The following SORCS3 variants were observed in gnomAD, a reference collection of about 807,000 sequenced individuals.
The protein encoded by SORCS3 is sortilin related VPS10 domain containing receptor 3.
SORCS3 carries 57 observed loss-of-function variants against 146.3 expected under a neutral mutation model. That is an observed-to-expected ratio of 0.39 (90% CI 0.31 to 0.49). The LOEUF (loss-of-function observed/expected upper bound fraction) is 0.49, where lower values mean the gene tolerates loss of function less well. Ranked by LOEUF, SORCS3 falls within the 20% of genes least tolerant of loss-of-function variation. The probability of loss-of-function intolerance (pLI) is 0.92; values close to 1 mark genes in which losing one functional copy is unlikely to be tolerated. For missense variants in SORCS3, 1,341 were observed against 1,575.5 expected (o/e 0.85, Z 2.52); for synonymous variants, 653 against 618.5 (o/e 1.06, Z -0.83).
chr10:104,716,047 C>T (rs760619149), intron 1 of SORCS3, among the ~76,000 whole-genome samples: 25 of 152,238 alleles, frequency 1.6e-4, no homozygotes, highest in Non-Finnish European at 2.9e-4. Flanking sequence ...GGAGTTCCCT[C>T]TGCCTGAATC....
intron 22 of SORCS3, among the ~76,000 whole-genome samples, chr10:105,251,833 T>G (rs962855802): frequency 6.6e-6 from 1 of 152,196 alleles, no homozygotes; most frequent in Non-Finnish European, 1.5e-5. Context: ...AATAGAAAAA[T>G]TCACTCGTAT....
chr10:105,014,278 A>G (rs2055153018), intron 4 of SORCS3, among the ~76,000 whole-genome samples: 1 of 151,852 alleles, frequency 6.6e-6, no homozygotes, highest in Non-Finnish European at 1.5e-5. Flanking sequence ...AAAATTTCAG[A>G]TGGACTTAAG....
At chr10:104,898,683 C>A (rs903216869) in intron 2 of SORCS3, among the ~76,000 whole-genome samples, 1 of 152,210 alleles carries the variant, frequency 6.6e-6, no homozygotes, top group African/African-American at 2.4e-5. Flanking sequence ...TCATACCTGG[C>A]AAAAACACTT....
At chr10:105,108,700 C>CTAGAAAG in intron 7 of SORCS3, among the ~76,000 whole-genome samples, 1 of 152,020 alleles carries the variant, frequency 6.6e-6, no homozygotes, top group East Asian at 2.0e-4. Context: ...ATGTGAAAGG[C>CTAGAAAG]CAATAAACTT....
chr10:104,853,028 G>A (rs965462135), intron 2 of SORCS3, among the ~76,000 whole-genome samples: 2 of 152,290 alleles, frequency 1.3e-5, no homozygotes, highest in African/African-American at 2.4e-5. Context: ...GGCCGGGCGC[G>A]GTGGCTCATG....
intron 20 of SORCS3, among the ~76,000 whole-genome samples, chr10:105,226,037 G>C (rs1589697342): frequency 6.6e-6 from 1 of 151,776 alleles, no homozygotes; most frequent in East Asian, 1.9e-4. Context: ...AATGTAGATT[G>C]GCTTTTATTT....
chr10:105,252,949 A>C, intron 23 of SORCS3, 43 bp downstream of exon 23: 1 of 1,602,316 alleles, frequency 6.2e-7, no homozygotes, highest in Non-Finnish European at 8.5e-7. Flanking sequence ...CCTGCACCCT[A>C]CACCCTGAGA....
intron 1 of SORCS3, among the ~76,000 whole-genome samples, chr10:104,747,172 C>T (rs569927690): frequency 1.3e-5 from 2 of 152,216 alleles, no homozygotes. Context: ...GAACCTCCCC[C>T]ATCTGGCTGG....
intron 2 of SORCS3, among the ~76,000 whole-genome samples, chr10:104,867,083 G>A (rs1474859425): frequency 2.6e-5 from 4 of 152,120 alleles, no homozygotes; most frequent in African/African-American, 9.7e-5. Context: ...CTCTGCTCTC[G>A]TGGAGTGGAC....
chr10:105,184,113 GT>G (rs1241839506), intron 14 of SORCS3, among the ~76,000 whole-genome samples: 7 of 152,216 alleles, frequency 4.6e-5, no homozygotes, highest in African/African-American at 1.7e-4. Context: ...GCAGGGAAGA[GT>G]TTTGGCCAGC....
intron 3 of SORCS3, among the ~76,000 whole-genome samples, chr10:104,961,288 G>A (rs1228405045): frequency 6.6e-6 from 1 of 152,146 alleles, no homozygotes; most frequent in African/African-American, 2.4e-5. Flanking sequence ...ATCTATGCCT[G>A]TGACAACATT....
intron 1 of SORCS3, among the ~76,000 whole-genome samples, chr10:104,677,378 G>A (rs541975730): frequency 6.6e-6 from 1 of 152,342 alleles, no homozygotes; most frequent in South Asian, 2.1e-4. Flanking sequence ...TCCATTTAAA[G>A]TGAAAACAAT....
At position 105,140,765 on chromosome 10, in the gene SORCS3, A is replaced by C. The variant is rs563923989; in HGVS notation, c.1302+1279A>C. ...TTGCAGAGAGGCTGATAAGGTCAGC[A>C]GAGACCATTTTAAGTAGCTTCAGGG... On this transcript the variant is annotated intron_variant, in intron 8 of 26. Coordinates refer to ENST00000369701, the MANE Select transcript of SORCS3 (RefSeq NM_014978.3). Among the ~76,000 whole-genome samples, 8 of 152,304 alleles carry C rather than the reference A, an allele frequency of 5.3e-5. No homozygotes were observed. The East Asian group carries it at 1.4e-3, about 26-fold the overall frequency.
At chr10:104,927,271 C>T (rs1252265835) in intron 3 of SORCS3, among the ~76,000 whole-genome samples, 2 of 152,180 alleles carry the variant, frequency 1.3e-5, no homozygotes, top group Non-Finnish European at 2.9e-5. Flanking sequence ...CCTGGATGGC[C>T]ACATACAATG....
At chr10:104,647,595 G>A (rs896160788) in intron 1 of SORCS3, among the ~76,000 whole-genome samples, 22 of 152,084 alleles carry the variant, frequency 1.4e-4, no homozygotes, top group African/African-American at 2.9e-4. Flanking sequence ...CTTCTCATCC[G>A]TGCCTGGCAG....
chr10:104,719,822 C>T (rs1345597339), intron 1 of SORCS3, among the ~76,000 whole-genome samples: 1 of 152,136 alleles, frequency 6.6e-6, no homozygotes, highest in African/African-American at 2.4e-5. Context: ...GAATTATGCT[C>T]TTGCCGAGAT....
At chr10:105,221,782 A>G (rs1037990972) in intron 19 of SORCS3, among the ~76,000 whole-genome samples, 3 of 152,166 alleles carry the variant, frequency 2.0e-5, no homozygotes, top group Admixed American at 6.5e-5. Flanking sequence ...TCGTATAGAA[A>G]TCTCTTCAAT....
intron 1 of SORCS3, among the ~76,000 whole-genome samples, chr10:104,815,448 CAAAAAAAAAAA>C (rs5787549): frequency 1.3e-5 from 1 of 79,364 alleles, no homozygotes; most frequent in Non-Finnish European, 2.3e-5. Flanking sequence ...GACCCTGTCT[CAAAAAAAAAAA>C]AAAAAAAAAA....
intron 7 of SORCS3, among the ~76,000 whole-genome samples, chr10:105,118,304 G>A (rs2055907167): frequency 6.6e-6 from 1 of 152,096 alleles, no homozygotes; most frequent in African/African-American, 2.4e-5. Context: ...TGAAGAAGGT[G>A]CCTTTCTTCC....
Sources: gnomAD v4.1 joint callset for allele counts (sites outside exome capture counted in the v4.1 genomes callset) on GRCh38, gnomAD v4.1.1 for gene constraint, MANE v1.5 for transcripts, NCBI Gene and HGNC (gene_info 2026-07-23, HGNC 2026-07-21) for gene names.